WWOX: variants seen among roughly 807,000 people sequenced by gnomAD.
The protein encoded by WWOX is WW domain containing oxidoreductase.
WWOX carries 69 observed loss-of-function variants against 46.2 expected under a neutral mutation model. That is an observed-to-expected ratio of 1.49 (90% CI 1.23 to 1.82). The LOEUF (loss-of-function observed/expected upper bound fraction) is 1.82. Ranked by LOEUF, WWOX falls within the 40% of genes most tolerant of loss-of-function variation. WWOX has a pLI of 0.00. For synonymous variants in WWOX, 359 were observed against 202.6 expected, an observed-to-expected ratio of 1.77 and a Z score of -6.56; for missense variants, 919 against 542.6, an observed-to-expected ratio of 1.69 and a Z score of -6.89.
intron 8 of WWOX, among the ~76,000 whole-genome samples, chr16:78,845,618 A>G (rs2052278109): frequency 6.6e-6 from 1 of 152,240 alleles, no homozygotes. Context: ...TCCATAATTT[A>G]TAGTCAGCCT....
chr16:79,000,295 C>T (rs874077), intron 8 of WWOX, among the ~76,000 whole-genome samples: 24,366 of 152,122 alleles, frequency 0.16, 2,079 homozygotes, highest in East Asian at 0.26. Context: ...GAGTAATGAG[C>T]CCCGAAGATG....
chr16:79,198,961 GTGTCTAGAGCCA>G (rs1268445360), intron 8 of WWOX, among the ~76,000 whole-genome samples: 3 of 152,176 alleles, frequency 2.0e-5, no homozygotes, highest in African/African-American at 7.2e-5. Context: ...TTGAGACTGG[GTGTCTAGAGCCA>G]TGTGATTTGG....
chr16:78,169,085 G>A (rs1371874099), intron 5 of WWOX, among the ~76,000 whole-genome samples: 1 of 152,210 alleles, frequency 6.6e-6, no homozygotes, highest in African/African-American at 2.4e-5. Flanking sequence ...AAACGGGGCA[G>A]TGGGGCTTGT....
rs568401414 is a variant in WWOX, at chr16:78,375,455, A to C, written c.517-11405A>C. ...TAAACAGTCAATCATTCATTTTCTA[A>C]ATTAAAGCCTGTCCTGAAAACGTGC... On this transcript the variant is annotated intron_variant, in intron 5 of 8. Coordinates refer to ENST00000566780, the MANE Select transcript of WWOX (RefSeq NM_016373.4). 5.9e-5 allele frequency among the ~76,000 whole-genome samples: 9 copies of C among 152,306 alleles called. No homozygotes were observed. In the South Asian group the frequency reaches 6.2e-4, roughly 11 times the overall value.
At chr16:78,797,636 C>G (rs1406838903) in intron 8 of WWOX, among the ~76,000 whole-genome samples, 1 of 152,134 alleles carries the variant, frequency 6.6e-6, no homozygotes, top group Non-Finnish European at 1.5e-5. Context: ...GAAGATTCGT[C>G]CAGTCTCAAG....
chr16:78,601,268 C>T (rs1273254507), intron 8 of WWOX, among the ~76,000 whole-genome samples: 1 of 152,076 alleles, frequency 6.6e-6, no homozygotes, highest in Non-Finnish European at 1.5e-5. Flanking sequence ...CCTCTTTGCC[C>T]CTTTGGGTGT....
chr16:79,009,101 C>G (rs1277934339), intron 8 of WWOX, among the ~76,000 whole-genome samples: 1 of 152,206 alleles, frequency 6.6e-6, no homozygotes, highest in Admixed American at 6.5e-5. Flanking sequence ...GCAGAGGTGT[C>G]CGCAGGCCTC....
chr16:79,080,717 A>G (rs1336023344), intron 8 of WWOX, among the ~76,000 whole-genome samples: 1 of 152,168 alleles, frequency 6.6e-6, no homozygotes, highest in African/African-American at 2.4e-5. Context: ...CTGTAATCCC[A>G]GCCACTTGGG....
At chr16:79,180,595 G>T (rs1007166985) in intron 8 of WWOX, among the ~76,000 whole-genome samples, 2 of 152,142 alleles carry the variant, frequency 1.3e-5, no homozygotes, top group Non-Finnish European at 2.9e-5. Context: ...GAAGTGGAAA[G>T]AGAAAAGGAA....
At chr16:78,711,804 G>A (rs1246069342) in intron 8 of WWOX, among the ~76,000 whole-genome samples, 1 of 152,110 alleles carries the variant, frequency 6.6e-6, no homozygotes, top group African/African-American at 2.4e-5. Context: ...AAAGCCTCCT[G>A]CACACACTCT....
At chr16:78,720,020 C>T (rs887561074) in intron 8 of WWOX, among the ~76,000 whole-genome samples, 1 of 152,182 alleles carries the variant, frequency 6.6e-6, no homozygotes, top group East Asian at 1.9e-4. Context: ...CATATAAAAG[C>T]GTTACTGTAC....
At chr16:78,355,272 T>C (rs1597086811) in intron 5 of WWOX, among the ~76,000 whole-genome samples, 1 of 151,844 alleles carries the variant, frequency 6.6e-6, no homozygotes, top group Admixed American at 6.6e-5. Context: ...AAAAAAAGTA[T>C]GTATACATAT....
intron 8 of WWOX, among the ~76,000 whole-genome samples, chr16:78,556,252 C>T (rs962975770): frequency 2.0e-5 from 3 of 150,270 alleles, no homozygotes; most frequent in African/African-American, 5.0e-5. Flanking sequence ...GGTACTTTCC[C>T]TCCTCCTCTA....
Position 78,348,505 on chromosome 16 carries a change from T to G in WWOX, c.517-38355T>G, listed in dbSNP as rs975943322. Among the ~76,000 whole-genome samples the G allele has an allele frequency of 3.3e-5, 4 of 121,330 alleles. 1 individual carries two copies. The highest frequency in any genetic ancestry group is 7.9e-5 in the Non-Finnish European group (4 of 50,784). 79.6% of individuals were successfully genotyped at this position (121,330 alleles called of 152,430 possible). ...GAGACAGGGTCTCTGTCGCTCAGGC[T>G]GGATTGAGTGCAGTGAATCTTGGCT... On this transcript the variant is annotated intron_variant, in intron 5 of 8. Coordinates refer to ENST00000566780, the MANE Select transcript of WWOX (RefSeq NM_016373.4).
intron 5 of WWOX, among the ~76,000 whole-genome samples, chr16:78,286,719 A>G (rs1257922791): frequency 2.0e-5 from 3 of 152,184 alleles, no homozygotes; most frequent in South Asian, 2.1e-4. Context: ...ATAAAATACA[A>G]TGAATCCACA....
chr16:78,128,188 T>G (rs2033439175), intron 4 of WWOX, among the ~76,000 whole-genome samples: 1 of 146,426 alleles, frequency 6.8e-6, no homozygotes, highest in African/African-American at 2.5e-5. Context: ...AGCTCTTGAC[T>G]TTTTTTTTTT....
chr16:78,836,504 G>C (rs12923682), intron 8 of WWOX, among the ~76,000 whole-genome samples: 27,179 of 152,178 alleles, frequency 0.18, 2,704 homozygotes, highest in Middle Eastern at 0.31. Flanking sequence ...GGTATTTTCA[G>C]ACACTTCTGC....
At chr16:79,074,587 T>G (rs16949501) in intron 8 of WWOX, among the ~76,000 whole-genome samples, 14,257 of 151,862 alleles carry the variant, frequency 0.094, 1,323 homozygotes, top group African/African-American at 0.24. Context: ...ATTCTACACT[T>G]AAGTATCTCC....
intron 5 of WWOX, among the ~76,000 whole-genome samples, chr16:78,328,707 C>T: frequency 6.6e-6 from 1 of 152,168 alleles, no homozygotes; most frequent in East Asian, 1.9e-4. Context: ...TTTTGACAAG[C>T]AGTCTGGGAC....
Sources: gnomAD v4.1 joint callset for allele counts (sites outside exome capture counted in the v4.1 genomes callset) on GRCh38, gnomAD v4.1.1 for gene constraint, MANE v1.5 for transcripts, NCBI Gene and HGNC (gene_info 2026-07-23, HGNC 2026-07-21) for gene names.